The following TNRC6C variants were observed in gnomAD, a reference collection of about 807,000 sequenced individuals.
TNRC6C encodes the protein trinucleotide repeat-containing gene 6C protein.
In TNRC6C, 20 loss-of-function variants were observed where a neutral mutation model predicts 153.7. The ratio of observed to expected loss-of-function variants is 0.13; its 90% confidence interval spans 0.09 to 0.19. The LOEUF (loss-of-function observed/expected upper bound fraction) is 0.19. TNRC6C is among the 10% of genes least tolerant of loss of function. TNRC6C has a pLI of 1.00. For missense variants in TNRC6C, 1,987 were observed against 2,172.0 expected, an observed-to-expected ratio of 0.91 and a Z score of 1.69; for synonymous variants, 811 against 841.4, an observed-to-expected ratio of 0.96 and a Z score of 0.63.
chr17:78,063,703 A>G (rs9893685), intron 3 of TNRC6C, among the ~76,000 whole-genome samples: 19,047 of 152,134 alleles, frequency 0.13, 1,309 homozygotes, highest in African/African-American at 0.18. Context: ...GGTACCATAG[A>G]AACTGTCTGC....
chr17:78,094,034 CA>C (rs2073439578), intron 16 of TNRC6C, among the ~76,000 whole-genome samples: 1 of 149,680 alleles, frequency 6.7e-6, no homozygotes, highest in Non-Finnish European at 1.5e-5. Context: ...GGATGGAGTG[CA>C]GTGGCATGAT....
upstream of TNRC6C, among the ~76,000 whole-genome samples, chr17:78,001,655 C>G (rs1281466589): frequency 6.6e-6 from 1 of 152,048 alleles, no homozygotes; most frequent in African/African-American, 2.4e-5. Flanking sequence ...TAACATAATC[C>G]CAGTTATACC....
At chr17:77,974,012 A>G (rs1379316909) in intron 1 of TNRC6C, among the ~76,000 whole-genome samples, 1 of 137,226 alleles carries the variant, frequency 7.3e-6, no homozygotes, top group Admixed American at 7.3e-5. Flanking sequence ...TCTAAAATTT[A>G]TGCAGAAATG....
Position 78,075,422 on chromosome 17 carries a change from G to A in TNRC6C, c.3060+144G>A, listed in dbSNP as rs2073067768. On this transcript the variant is annotated intron_variant, in intron 8 of 19. Transcript: ENST00000301624. The surrounding 1 kb of genome is among the most constrained non-coding windows in gnomAD (Gnocchi z 4.2). ...TTTATCCATTTTTTTCTAACATTATGAACATTTAACTCAAAGAAGGGAATG... is the reference window on the plus strand; with the variant it reads ...TTTATCCATTTTTTTCTAACATTATAAACATTTAACTCAAAGAAGGGAATG... 3 of 973,190 alleles carry A rather than the reference G, an allele frequency of 3.1e-6. No homozygotes were observed. The highest frequency in any genetic ancestry group is 4.4e-6 in the Non-Finnish European group (3 of 677,566). 60.3% of individuals were successfully genotyped at this position (973,190 alleles called of 1,614,324 possible). A position where few individuals can be genotyped will look rare whatever the true frequency, so the allele number is the denominator to read the frequency against.
intron 12 of TNRC6C, 79 bp downstream of exon 14, chr17:78,086,665 G>A (rs781778728): frequency 1.3e-4 from 203 of 1,550,120 alleles, no homozygotes; most frequent in Non-Finnish European, 1.7e-4. Flanking sequence ...TGAACTATTA[G>A]ATGATCATTG....
intron 1 of TNRC6C, among the ~76,000 whole-genome samples, chr17:77,981,386 T>C (rs1315987461): frequency 6.6e-6 from 1 of 152,304 alleles, no homozygotes. Flanking sequence ...TAATCCTGCC[T>C]TGGTGTTTAT....
intron 1 of TNRC6C, among the ~76,000 whole-genome samples, chr17:77,987,635 T>C (rs546838362): frequency 1.3e-5 from 2 of 152,190 alleles, no homozygotes; most frequent in South Asian, 4.2e-4. Flanking sequence ...AACAAAATAT[T>C]TTGTTGTCAT....
At chr17:78,025,116 A>C (rs1384242531) in intron 1 of TNRC6C, among the ~76,000 whole-genome samples, 1 of 152,160 alleles carries the variant, frequency 6.6e-6, no homozygotes, top group Non-Finnish European at 1.5e-5. Context: ...ACTAAATGCC[A>C]CAGTTTACAT....
intron 1 of TNRC6C, among the ~76,000 whole-genome samples, chr17:77,991,486 G>GCTT (rs1198350710): frequency 1.3e-4 from 20 of 152,110 alleles, no homozygotes; most frequent in Non-Finnish European, 2.9e-4. Flanking sequence ...GCAAGTTGTG[G>GCTT]TCACTTGAAT....
At chr17:77,977,387 A>G (rs2071016202) in intron 1 of TNRC6C, among the ~76,000 whole-genome samples, 1 of 152,128 alleles carries the variant, frequency 6.6e-6, no homozygotes, top group Non-Finnish European at 1.5e-5. Context: ...TTTCATTTCC[A>G]CTAGTATCTT....
chr17:77,961,397 C>T (rs987557446), intron 1 of TNRC6C, among the ~76,000 whole-genome samples: 1 of 152,192 alleles, frequency 6.6e-6, no homozygotes, highest in Non-Finnish European at 1.5e-5. Context: ...TTCAGGTGAT[C>T]CGCCTGTCTC....
intron 8 of TNRC6C, among the ~76,000 whole-genome samples, chr17:78,076,359 C>T (rs867399608): frequency 6.6e-6 from 1 of 152,180 alleles, no homozygotes; most frequent in Admixed American, 6.5e-5. Flanking sequence ...GTGAGGCTCA[C>T]GTCTTCATCC....
chr17:78,071,997 C>T (rs183889882), intron 6 of TNRC6C, among the ~76,000 whole-genome samples: 3 of 152,306 alleles, frequency 2.0e-5, no homozygotes, highest in East Asian at 3.9e-4. Flanking sequence ...CGCCCATATT[C>T]GCCATGTATT....
rs761230756 is a variant in TNRC6C at position 78,050,482 on chromosome 17, A to C, written c.1420A>C (p.Asn474His). 2.2e-5 allele frequency: 35 copies of C among 1,613,880 alleles called. No homozygotes were observed. In the African/African-American group the frequency reaches 4.3e-4, roughly 20 times the overall value. ...CCCTAGGTCTGAAAGGAAAAATGAC[A>C]ATGGGACAGAGGCCTGGGGTTGTGC... The change falls in exon 3 of 20, where the codon AAT becomes CAT. Residue 474 changes from asparagine (N) to histidine (H), a missense_variant. Physicochemically the swap from Asn to His is moderately conservative, Grantham distance 68 (BLOSUM62 1). Around this residue, in one of 4 missense-constraint regions of TNRC6C, gnomAD observed 1,052 missense variants for 1,017.0 expected, o/e 1.03. Transcript: ENST00000301624.
chr17:78,080,622 C>A (rs2073162512), intron 10 of TNRC6C, among the ~76,000 whole-genome samples: 1 of 152,040 alleles, frequency 6.6e-6, no homozygotes, highest in Non-Finnish European at 1.5e-5. Context: ...TTAGTTCTTA[C>A]CCCTTATAAT....
At position 78,075,201 on chromosome 17, in the gene TNRC6C, A is replaced by G. The variant is rs1236225074; in HGVS notation, c.2983A>G (p.Met995Val). Reference sequence around the variant, plus strand: ...GCTGGGAGTGACCGACCATAATGGAATGGCCGCCAAGCCCCTCGGCTGCCG... The same window carrying G: ...GCTGGGAGTGACCGACCATAATGGAGTGGCCGCCAAGCCCCTCGGCTGCCG... The change falls in exon 8 of 20, where the codon ATG becomes GTG. Residue 995 changes from methionine to valine, a missense_variant. Physicochemically the swap from Met to Val is conservative, Grantham distance 21. This residue lies in a region of TNRC6C where 765 missense variants were observed against 908.6 expected (regional missense o/e 0.84). Coordinates refer to ENST00000301624, the Ensembl canonical transcript of TNRC6C. The surrounding 1 kb of genome is among the most constrained non-coding windows in gnomAD (Gnocchi z 4.2). 1.2e-6 allele frequency: 2 copies of G among 1,605,320 alleles called. No homozygotes were observed. Among genetic ancestry groups the G allele is most frequent in the Non-Finnish European group, 1.7e-6 (2 of 1,176,102 alleles).
intron 1 of TNRC6C, among the ~76,000 whole-genome samples, chr17:77,965,755 A>G (rs550260186): frequency 9.2e-5 from 14 of 152,346 alleles, no homozygotes; most frequent in African/African-American, 3.1e-4. Context: ...ACAAAAACCT[A>G]AGGTAATAGA....
At chr17:77,981,440 A>G (rs2071076197) in intron 1 of TNRC6C, among the ~76,000 whole-genome samples, 1 of 152,232 alleles carries the variant, frequency 6.6e-6, no homozygotes, top group Non-Finnish European at 1.5e-5. Context: ...GCTGCCAGCT[A>G]TCAGTCAACT....
chr17:78,039,306 C>T, intron 2 of TNRC6C, among the ~76,000 whole-genome samples: 1 of 65,390 alleles, frequency 1.5e-5, no homozygotes, highest in African/African-American at 5.4e-5. Flanking sequence ...AATTTCAAAT[C>T]TTGCCCCCCC....
Sources: allele counts gnomAD v4.1 joint callset (sites outside exome capture counted in the v4.1 genomes callset), GRCh38; gene constraint gnomAD v4.1.1; regional missense constraint gnomAD v4.1.1; non-coding constraint Gnocchi (gnomAD v3.1); transcripts MANE v1.5; gene names NCBI Gene and HGNC (gene_info 2026-07-23, HGNC 2026-07-21).